The following LIMA1 variants were observed in gnomAD, a reference collection of about 807,000 sequenced individuals.
LIMA1 encodes the protein LIM domain and actin binding 1, also known as LIM domain and actin-binding protein 1.
LIMA1 carries 52 observed loss-of-function variants against 62.6 expected under a neutral mutation model. The ratio of observed to expected loss-of-function variants is 0.83; its 90% CI spans 0.67 to 1.05. LIMA1 has a LOEUF of 1.05. Ranked by LOEUF, LIMA1 falls within the 50% of genes least tolerant of loss-of-function variation. The pLI is 0.00. For synonymous variants in LIMA1, 302 were observed against 317.8 expected, an observed-to-expected ratio of 0.95 and a Z score of 0.53; for missense variants, 780 against 902.2, an observed-to-expected ratio of 0.86 and a Z score of 1.74.
At chr12:50,208,400 C>T (rs763898051) in intron 4 of LIMA1, among the ~76,000 whole-genome samples, 2 of 152,090 alleles carry the variant, frequency 1.3e-5, no homozygotes, top group Non-Finnish European at 2.9e-5. Flanking sequence ...GCAGGAGAAT[C>T]GCTTGAACCC....
chr12:50,202,579 C>A (rs1234487057), intron 6 of LIMA1, among the ~76,000 whole-genome samples: 1 of 152,188 alleles, frequency 6.6e-6, no homozygotes, highest in African/African-American at 2.4e-5. Context: ...TTCACATTCA[C>A]GGTGCATAAT....
intron 9 of LIMA1, chr12:50,186,536 A>C (rs1940634399): frequency 2.6e-5 from 4 of 152,660 alleles, no homozygotes; most frequent in Non-Finnish European, 5.9e-5. Flanking sequence ...TCCCTCATAA[A>C]GGGGTAGTGC....
At chr12:50,214,024 C>CCACACACA (rs10632810) in intron 4 of LIMA1, among the ~76,000 whole-genome samples, 111 of 104,592 alleles carry the variant, frequency 1.1e-3, no homozygotes, top group African/African-American at 2.7e-3. Context: ...TATTATCTTA[C>CCACACACA]CACACACACA....
intron 1 of LIMA1, among the ~76,000 whole-genome samples, chr12:50,274,550 C>A (rs922476805): frequency 1.3e-5 from 2 of 151,954 alleles, no homozygotes; most frequent in Non-Finnish European, 2.9e-5. Flanking sequence ...CCATTCCACT[C>A]CACCCTGGGT....
At chr12:50,249,745 A>C (rs1037203421) in intron 1 of LIMA1, 3 of 152,214 alleles carry the variant, frequency 2.0e-5, no homozygotes, top group African/African-American at 7.2e-5. Flanking sequence ...AGAGTGAAAA[A>C]TATAAAGTAC....
intron 4 of LIMA1, among the ~76,000 whole-genome samples, chr12:50,210,348 G>C (rs1941231254): frequency 6.6e-6 from 1 of 151,120 alleles, no homozygotes; most frequent in South Asian, 2.1e-4. Context: ...GCTTGAACCA[G>C]GGAGGTGGAG....
Position 50,222,236 on chromosome 12 carries a change from G to A in LIMA1, c.415C>T (p.Gln139Ter), listed in dbSNP as rs139614834. Residue 139 changes from glutamine to a stop codon, truncating the protein, a stop_gained, in exon 4 of 11, where the codon CAG (glutamine) becomes TAG (stop). Coordinates refer to ENST00000341247, the MANE Select transcript of LIMA1 (RefSeq NM_016357.5). LOFTEE classifies it high-confidence loss of function. Reference protein sequence around the residue: ...RLRSPPEALVQGRYPHIKDGE... With the variant: ...RLRSPPEALV Reference sequence around the variant, plus strand: ...TCCTTGATGTGGGGATATCGACCCTGAACGAGGGCTTCAGGAGGTGACCTG... The same window carrying A: ...TCCTTGATGTGGGGATATCGACCCTAAACGAGGGCTTCAGGAGGTGACCTG... 99 of 1,614,078 alleles carry A rather than the reference G, an allele frequency of 6.1e-5. No individual in the cohort carries two copies. Among genetic ancestry groups the A allele is most frequent in the Non-Finnish European group, 8.1e-5 (95 of 1,180,044 alleles).
intron 1 of LIMA1, among the ~76,000 whole-genome samples, chr12:50,274,427 T>C (rs1363551815): frequency 1.3e-5 from 2 of 151,918 alleles, no homozygotes; most frequent in East Asian, 1.9e-4. Flanking sequence ...CTACCAAAAA[T>C]AAAAAATTTA....
At chr12:50,274,673 G>A (rs1942255178) in intron 1 of LIMA1, among the ~76,000 whole-genome samples, 2 of 152,276 alleles carry the variant, frequency 1.3e-5, no homozygotes, top group Non-Finnish European at 2.9e-5. Flanking sequence ...TTAGTGGTGT[G>A]AAGGAAATAC....
chr12:50,204,996 C>A (rs1308444414), intron 5 of LIMA1, among the ~76,000 whole-genome samples: 4 of 152,130 alleles, frequency 2.6e-5, no homozygotes, highest in African/African-American at 9.7e-5. Flanking sequence ...AGAAGAAAAT[C>A]AGGAATATAA....
At chr12:50,245,240 C>T (rs570725332) in intron 2 of LIMA1, among the ~76,000 whole-genome samples, 19 of 151,550 alleles carry the variant, frequency 1.3e-4, no homozygotes, top group South Asian at 2.1e-4. Flanking sequence ...CATAGTGAGA[C>T]GCTGTCTTTA....
chr12:50,217,727 T>C, intron 4 of LIMA1: 1 of 306,476 alleles, frequency 3.3e-6, no homozygotes, highest in South Asian at 3.3e-5. Flanking sequence ...TGTTCGATCC[T>C]TGTGGGCTTC....
intron 7 of LIMA1, among the ~76,000 whole-genome samples, 174 bp downstream of exon 7, chr12:50,200,603 T>C (rs1196932529): frequency 6.6e-6 from 1 of 152,238 alleles, no homozygotes; most frequent in Non-Finnish European, 1.5e-5. Flanking sequence ...AGCTATAAGT[T>C]GCAGAGCTAC....
intron 1 of LIMA1, among the ~76,000 whole-genome samples, chr12:50,269,073 T>G (rs1942172836): frequency 6.6e-6 from 1 of 152,172 alleles, no homozygotes; most frequent in South Asian, 2.1e-4. Context: ...ACTTACTGGG[T>G]AACATGAGGA....
intron 9 of LIMA1, chr12:50,190,225 G>A (rs1285134023): frequency 5.3e-5 from 8 of 151,144 alleles, no homozygotes; most frequent in African/African-American, 1.9e-4. Context: ...ATGTTGGCCA[G>A]GCTGGTCTCG....
At chr12:50,248,952 A>C (rs1216577038) in intron 1 of LIMA1, among the ~76,000 whole-genome samples, 178 bp from the exon 2 acceptor site, 4 of 152,166 alleles carry the variant, frequency 2.6e-5, no homozygotes, top group African/African-American at 9.6e-5. Flanking sequence ...TTCTTATAAA[A>C]GGAGGCTACA....
intron 8 of LIMA1, among the ~76,000 whole-genome samples, chr12:50,195,248 T>C (rs1362253194): frequency 6.6e-6 from 1 of 151,968 alleles, no homozygotes; most frequent in African/African-American, 2.4e-5. Context: ...GAATAAAAAG[T>C]GGACATAGTC....
chr12:50,275,113 T>C (rs576312596), intron 1 of LIMA1, among the ~76,000 whole-genome samples: 59 of 152,016 alleles, frequency 3.9e-4, no homozygotes, highest in Admixed American at 3.9e-3. Flanking sequence ...TCCCAGCACT[T>C]TGGGAAGCTG....
At chr12:50,226,844 A>AG (rs974822826) in intron 3 of LIMA1, among the ~76,000 whole-genome samples, 2 of 151,900 alleles carry the variant, frequency 1.3e-5, no homozygotes, top group African/African-American at 4.8e-5. Context: ...TATGAAAAAA[A>AG]AAAAAAAAGA....
Sources: gnomAD v4.1 joint callset for allele counts (sites outside exome capture counted in the v4.1 genomes callset) on GRCh38, gnomAD v4.1.1 for gene constraint, MANE v1.5 for transcripts, NCBI Gene and HGNC (gene_info 2026-07-23, HGNC 2026-07-21) for gene names.